RGS3: variants seen among roughly 807,000 people sequenced by gnomAD.
RGS3 encodes regulator of G-protein signalling 3.
In RGS3, 80 loss-of-function variants were observed where a neutral mutation model predicts 132.6. That is an observed-to-expected ratio of 0.60 (90% CI 0.50 to 0.73). The LOEUF (loss-of-function observed/expected upper bound fraction) is 0.73. Among genes scored for constraint, RGS3 ranks in the 30% least tolerant of loss-of-function variants. The probability of loss-of-function intolerance (pLI) is 0.00; values close to 1 mark genes in which losing one functional copy is unlikely to be tolerated. For missense variants in RGS3, 1,382 were observed against 1,530.8 expected, an observed-to-expected ratio of 0.90 and a Z score of 1.62; for synonymous variants, 598 against 620.6, an observed-to-expected ratio of 0.96 and a Z score of 0.54.
At position 113,593,748 on chromosome 9, in the gene RGS3, A is replaced by G. The variant is rs1359032362; in HGVS notation, c.3081-682A>G. On this transcript the variant is annotated intron_variant, in intron 21 of 24. Coordinates refer to ENST00000350696, the Ensembl canonical transcript of RGS3. Reference sequence around the variant, plus strand: ...TCCTTTCTTGCCAGCAGTTTCACCCAGTGCTGAATTCTGCTGCCTCCTTGG... The same window carrying G: ...TCCTTTCTTGCCAGCAGTTTCACCCGGTGCTGAATTCTGCTGCCTCCTTGG... 5 of 639,636 alleles carry G rather than the reference A, an allele frequency of 7.8e-6. No homozygotes were observed. The African/African-American group carries it at 9.2e-5, about 12-fold the overall frequency. The allele number at this position is 639,636 out of a possible 1,614,324, so 39.6% of individuals were successfully genotyped here. A position where few individuals can be genotyped will look rare whatever the true frequency, so the allele number is the denominator to read the frequency against.
chr9:113,472,498 C>T (rs1298615494), intron 3 of RGS3, among the ~76,000 whole-genome samples: 1 of 152,134 alleles, frequency 6.6e-6, no homozygotes, highest in East Asian at 1.9e-4. Context: ...AAACATTATG[C>T]TAAGTGAAAG....
At chr9:113,467,901 A>T (rs968242390) in intron 3 of RGS3, among the ~76,000 whole-genome samples, 2 of 152,106 alleles carry the variant, frequency 1.3e-5, no homozygotes, top group Non-Finnish European at 2.9e-5. Context: ...TGTAAAAAAA[A>T]CTTTTTGTAG....
chr9:113,494,272 A>G (rs946881378), intron 7 of RGS3, among the ~76,000 whole-genome samples: 3 of 152,148 alleles, frequency 2.0e-5, no homozygotes, highest in Non-Finnish European at 4.4e-5. Context: ...GTGAAAACCC[A>G]TAAAGGAAAA....
At chr9:113,492,176 T>C (rs771612896) in intron 7 of RGS3, among the ~76,000 whole-genome samples, 6 of 152,202 alleles carry the variant, frequency 3.9e-5, no homozygotes, top group Non-Finnish European at 7.3e-5. Context: ...CAAAAAATAA[T>C]CTATTTTTTC....
intron 19 of RGS3, among the ~76,000 whole-genome samples, chr9:113,541,002 C>T (rs1327710461): frequency 6.6e-6 from 1 of 152,206 alleles, no homozygotes; most frequent in East Asian, 1.9e-4. Context: ...CATCGGGGGC[C>T]TTGTTCATTG....
exon 8 of RGS3, chr9:113,495,796 C>G (rs183030443): frequency 1.9e-6 from 3 of 1,614,154 alleles, no homozygotes; most frequent in Admixed American, 3.3e-5. Context: ...ACAGAGTGGA[C>G]TCATTGGCTG....
rs1351429281 is a variant in RGS3, at chr9:113,529,202, A to C, written c.1871-19A>C. ...TTTATCCAGTTCTAATGCAAATCTT[A>C]CTTTTTGTTCCCTCAAAGGTTCTTC... On this transcript the variant is annotated intron_variant, in intron 17 of 24. Coordinates refer to ENST00000350696, the Ensembl canonical transcript of RGS3. 1.2e-6 allele frequency: 2 copies of C among 1,606,186 alleles called. No homozygotes were observed. Among genetic ancestry groups the C allele is most frequent in the Non-Finnish European group, 1.7e-6 (2 of 1,172,934 alleles).
At chr9:113,457,874 A>C (rs893130841), upstream of RGS3, among the ~76,000 whole-genome samples, 2 of 152,144 alleles carry the variant, frequency 1.3e-5, no homozygotes, top group African/African-American at 4.8e-5. Flanking sequence ...ATGCCAATGC[A>C]ATTTTGGCTA....
intron 19 of RGS3, among the ~76,000 whole-genome samples, chr9:113,569,163 G>T (rs1005441552): frequency 1.3e-5 from 2 of 152,202 alleles, no homozygotes; most frequent in Non-Finnish European, 2.9e-5. Flanking sequence ...AGAAAGGGGG[G>T]TGTGTATTTG....
chr9:113,489,253 C>T (rs535455719), intron 7 of RGS3, among the ~76,000 whole-genome samples: 1 of 152,278 alleles, frequency 6.6e-6, no homozygotes, highest in South Asian at 2.1e-4. Flanking sequence ...CTCACAACAA[C>T]ATAAGAGGTA....
intron 19 of RGS3, among the ~76,000 whole-genome samples, chr9:113,553,378 G>A (rs1419540631): frequency 7.0e-6 from 1 of 142,602 alleles, no homozygotes; most frequent in Admixed American, 7.3e-5. Flanking sequence ...GAGAGGCCAA[G>A]GCTGCAGTGA....
chr9:113,579,809 G>A lies in RGS3; in HGVS notation c.2038-3641G>A, dbSNP rs1834704408. Among the ~76,000 whole-genome samples, 1 of 152,182 alleles carries A rather than the reference G, an allele frequency of 6.6e-6. No homozygotes were observed. Among genetic ancestry groups the A allele is most frequent in the Non-Finnish European group, 1.5e-5 (1 of 68,036 alleles). On this transcript the variant is annotated intron_variant, in intron 19 of 24. Coordinates refer to ENST00000350696, the Ensembl canonical transcript of RGS3. The surrounding 1 kb of genome is among the most constrained non-coding windows in gnomAD (Gnocchi z 4.3). ...CTCAGTGCTTGGAGAATGCATGAAT[G>A]TATGCGTGCCCCAGTCCTCCCTGCC...
At chr9:113,447,361 A>ATATATATATATATAT (rs1554751008) in intron 1 of RGS3, among the ~76,000 whole-genome samples, 2 of 118,418 alleles carry the variant, frequency 1.7e-5, no homozygotes, top group East Asian at 2.8e-4. Context: ...ATATATATAT[A>ATATATATATATATAT]GGCAAGGGTT....
intron 21 of RGS3, chr9:113,593,602 G>C (rs1835558271): frequency 2.7e-6 from 1 of 369,510 alleles, no homozygotes; most frequent in South Asian, 4.2e-5. Context: ...TTCATGACTG[G>C]ATGTCGCCAA....
chr9:113,445,434 G>T (rs1158016985), intron 1 of RGS3, among the ~76,000 whole-genome samples: 1 of 152,068 alleles, frequency 6.6e-6, no homozygotes, highest in African/African-American at 2.4e-5. Flanking sequence ...CTGCCCTCAG[G>T]TGATCTGCCC....
chr9:113,501,528 G>A, intron 10 of RGS3: 2 of 1,535,050 alleles, frequency 1.3e-6, no homozygotes, highest in South Asian at 2.4e-5. Flanking sequence ...CCGCTGCTGG[G>A]GGAGAGCTGG....
intron 10 of RGS3, chr9:113,501,455 A>T (rs755045040): frequency 4.2e-5 from 63 of 1,494,472 alleles, no homozygotes; most frequent in Non-Finnish European, 5.4e-5. Context: ...ATTTCCTGCC[A>T]TTCTTCTGTG....
chr9:113,593,189 G>A (rs1451938382), intron 21 of RGS3, among the ~76,000 whole-genome samples: 4 of 152,230 alleles, frequency 2.6e-5, no homozygotes, highest in Non-Finnish European at 2.9e-5. Flanking sequence ...ACTAGCTCCA[G>A]AGCCTGGGAT....
At chr9:113,477,981 C>T (rs1830044500) in intron 3 of RGS3, among the ~76,000 whole-genome samples, 1 of 152,222 alleles carries the variant, frequency 6.6e-6, no homozygotes, top group African/African-American at 2.4e-5. Context: ...CTGAGAGAAA[C>T]ATTTTCGATG....
Sources: gnomAD v4.1 joint callset for allele counts (sites outside exome capture counted in the v4.1 genomes callset) on GRCh38, gnomAD v4.1.1 for gene constraint, Gnocchi (gnomAD v3.1) non-coding constraint, MANE v1.5 for transcripts, NCBI Gene and HGNC (gene_info 2026-07-23, HGNC 2026-07-21) for gene names.